Variants in CCDC171 observed in about 807,000 individuals in gnomAD.
The protein encoded by CCDC171 is coiled-coil domain containing 171.
In CCDC171, 177 loss-of-function variants were observed where a neutral mutation model predicts 168.2. That is an observed-to-expected ratio of 1.05 (90% CI 0.93 to 1.19). The LOEUF (loss-of-function observed/expected upper bound fraction) is 1.19. Ranked by LOEUF, CCDC171 falls within the 50% of genes most tolerant of loss-of-function variation. The pLI, the probability that CCDC171 is intolerant of heterozygous loss-of-function variation, is 0.00. For synonymous variants in CCDC171, 687 were observed against 540.8 expected (o/e 1.27, Z -3.75); for missense variants, 1,991 against 1,539.0 (o/e 1.29, Z -4.91).
chr9:15,884,057 T>G (rs1234894935), intron 24 of CCDC171, among the ~76,000 whole-genome samples: 2 of 152,176 alleles, frequency 1.3e-5, no homozygotes, highest in African/African-American at 2.4e-5. Flanking sequence ...TTTGTGTGTA[T>G]GTGGAATACA....
chr9:15,715,815 G>C (rs1425569768), intron 11 of CCDC171, among the ~76,000 whole-genome samples: 2 of 152,172 alleles, frequency 1.3e-5, no homozygotes, highest in Non-Finnish European at 2.9e-5. Context: ...ATGTCAGCTT[G>C]AAAAACAATG....
At chr9:16,021,012 C>T (rs554567960) in intron 4 of CCDC171, among the ~76,000 whole-genome samples, 7 of 152,320 alleles carry the variant, frequency 4.6e-5, no homozygotes, top group South Asian at 2.1e-4. Flanking sequence ...CAAAGACAAA[C>T]GCAAGTATTG....
At chr9:15,810,659 C>A (rs1393725458) in intron 21 of CCDC171, among the ~76,000 whole-genome samples, 1 of 152,168 alleles carries the variant, frequency 6.6e-6, no homozygotes, top group Non-Finnish European at 1.5e-5. Flanking sequence ...CTAAGCCCCT[C>A]CCTGCCTGGG....
chr9:15,778,856 C>T (rs1324863005), intron 19 of CCDC171, 112 bp from the exon 20 acceptor site: 2 of 714,678 alleles, frequency 2.8e-6, no homozygotes, highest in African/African-American at 3.7e-5. Flanking sequence ...TCTGTAATAG[C>T]TAGCACTGGT....
intron 23 of CCDC171, among the ~76,000 whole-genome samples, chr9:15,873,220 A>T (rs1817412560): frequency 2.0e-5 from 3 of 152,218 alleles, no homozygotes; most frequent in Admixed American, 1.3e-4. Context: ...AAAGAAACTC[A>T]ATAGAGTTTG....
At chr9:15,944,836 T>TTTCTTTCTTTCTTTC (rs1828134489) in intron 25 of CCDC171, among the ~76,000 whole-genome samples, 2 of 129,852 alleles carry the variant, frequency 1.5e-5, no homozygotes, top group South Asian at 5.2e-4. Context: ...TTTCTTTCTT[T>TTTCTTTCTTTCTTTC]TTTCTTTCTT....
chr9:16,090,333 G>C, the CCDC171 span, among the ~76,000 whole-genome samples: 2 of 152,026 alleles, frequency 1.3e-5, no homozygotes, highest in Non-Finnish European at 2.9e-5. Context: ...GAAAAACACT[G>C]CATGTTCTCA....
At chr9:15,560,150 T>A (rs964094062) in intron 1 of CCDC171, among the ~76,000 whole-genome samples, 8 of 152,176 alleles carry the variant, frequency 5.3e-5, no homozygotes, top group African/African-American at 1.9e-4. Context: ...CGTTTCTGGC[T>A]GCCCTTAATA....
chr9:16,073,912 A>G, the CCDC171 span, among the ~76,000 whole-genome samples: 1 of 152,144 alleles, frequency 6.6e-6, no homozygotes, highest in South Asian at 2.1e-4. Flanking sequence ...TCAAAATTTC[A>G]CTTAACCTTC....
At chr9:15,907,720 C>A (rs963003115) in intron 24 of CCDC171, among the ~76,000 whole-genome samples, 6 of 152,128 alleles carry the variant, frequency 3.9e-5, no homozygotes, top group Non-Finnish European at 8.8e-5. Flanking sequence ...AGTGAACAGG[C>A]AACCTACAGA....
chr9:15,805,860 A>G (rs571730888), intron 21 of CCDC171, among the ~76,000 whole-genome samples: 1 of 151,984 alleles, frequency 6.6e-6, no homozygotes, highest in South Asian at 2.1e-4. Context: ...AAAGTCTCCC[A>G]GTATTATTGT....
In CCDC171 at chr9:15,718,566, A is replaced by G. The variant is rs141178088; in HGVS notation, c.1319-3203A>G. Among the ~76,000 whole-genome samples the G allele has an allele frequency of 1.8e-3, 274 of 152,350 alleles. 2 individuals carry two copies. The highest frequency in any genetic ancestry group is 6.2e-3 in the African/African-American group (257 of 41,590). ...TTCAGGTTTGACCTAGTGCAGTCCTACTGGTGGTGGCCACAGGGGTGCTTG... is the reference window on the plus strand; with the variant it reads ...TTCAGGTTTGACCTAGTGCAGTCCTGCTGGTGGTGGCCACAGGGGTGCTTG... On this transcript the variant is annotated intron_variant, in intron 11 of 25. Transcript: ENST00000380701.
At chr9:15,815,083 G>T (rs976652671) in intron 21 of CCDC171, among the ~76,000 whole-genome samples, 13 of 152,176 alleles carry the variant, frequency 8.5e-5, no homozygotes, top group Admixed American at 3.9e-4. Flanking sequence ...TGGTTCTTTT[G>T]TGTAACCTTG....
the CCDC171 span, among the ~76,000 whole-genome samples, chr9:16,087,557 C>CTTTTTT: frequency 4.4e-4 from 35 of 78,788 alleles, no homozygotes; most frequent in Non-Finnish European, 5.1e-4. Flanking sequence ...GCAACTCCTG[C>CTTTTTT]TTTTTTTTTT....
chr9:16,047,341 A>C (rs1275757993), intron 1 of CCDC171, among the ~76,000 whole-genome samples: 2 of 152,112 alleles, frequency 1.3e-5, no homozygotes, highest in African/African-American at 4.8e-5. Flanking sequence ...GAAATCTGGG[A>C]GCGATCCTAA....
chr9:15,707,557 T>G (rs563384625), intron 11 of CCDC171, among the ~76,000 whole-genome samples: 1 of 152,348 alleles, frequency 6.6e-6, no homozygotes, highest in East Asian at 1.9e-4. Flanking sequence ...TCTTTGGATT[T>G]TCTGCCTTCT....
chr9:15,846,798 C>T lies in CCDC171; in HGVS notation c.3364C>T (p.Leu1122=), dbSNP rs186637736. 6.2e-6 allele frequency: 10 copies of T among 1,611,436 alleles called. No homozygotes were observed. Among genetic ancestry groups the T allele is most frequent in the Middle Eastern group, 1.7e-4 (1 of 6,054 alleles). ...LTQLEQDKRR[L]EENIHDAESA... is the part of the protein sequence containing the mutation. ...CCAGCTGGAGCAGGACAAGCGTCGA[C>T]TGGAGGAGAACATCCATGATGCAGA... Residue 1122 remains leucine (L), a synonymous_variant, in exon 22 of 26, where the codon CTG becomes TTG. Coordinates refer to ENST00000380701, the MANE Select transcript of CCDC171 (RefSeq NM_173550.4).
intron 16 of CCDC171, among the ~76,000 whole-genome samples, chr9:15,733,007 T>C (rs2054248645): frequency 6.6e-6 from 1 of 152,180 alleles, no homozygotes; most frequent in Admixed American, 6.5e-5. Flanking sequence ...TTAGCCATTA[T>C]AATAGGTGTG....
the CCDC171 span, among the ~76,000 whole-genome samples, chr9:16,108,094 C>G: frequency 6.6e-6 from 1 of 152,102 alleles, no homozygotes. Context: ...GTTTCAGAAG[C>G]CGGAAGAAAG....
Sources: gnomAD v4.1 joint callset for allele counts (sites outside exome capture counted in the v4.1 genomes callset) on GRCh38, gnomAD v4.1.1 for gene constraint, MANE v1.5 for transcripts, NCBI Gene and HGNC (gene_info 2026-07-23, HGNC 2026-07-21) for gene names.